The following GRIK4 variants were observed in gnomAD, a reference collection of about 807,000 sequenced individuals.
GRIK4 encodes the protein glutamate receptor ionotropic, kainate 4.
GRIK4 carries 40 observed loss-of-function variants against 104.9 expected under a neutral mutation model. That is an observed-to-expected ratio of 0.38 (90% CI 0.30 to 0.50). GRIK4 has a LOEUF of 0.50. Ranked by LOEUF, GRIK4 falls within the 20% of genes least tolerant of loss-of-function variation. The pLI is 0.93. For missense variants in GRIK4, 1,047 were observed against 1,308.1 expected (o/e 0.80, Z 3.08); for synonymous variants, 485 against 524.9 (o/e 0.92, Z 1.04).
intron 14 of GRIK4, among the ~76,000 whole-genome samples, chr11:120,943,160 CTGTT>C (rs1943770678): frequency 1.4e-5 from 1 of 72,044 alleles, no homozygotes; most frequent in Non-Finnish European, 3.6e-5. Flanking sequence ...ACCCCCCTGA[CTGTT>C]TGGTGAGGAT....
At chr11:120,728,729 C>T (rs1173112361) in intron 3 of GRIK4, among the ~76,000 whole-genome samples, 1 of 152,058 alleles carries the variant, frequency 6.6e-6, no homozygotes, top group Non-Finnish European at 1.5e-5. Context: ...GTATTCATCC[C>T]CTCAAGCATT....
chr11:120,889,589 A>ATTTTTTTTTT lies in GRIK4; in HGVS notation c.1165-8922_1165-8913dup, dbSNP rs369264259. On this transcript the variant is annotated intron_variant, in intron 11 of 20. Transcript: ENST00000527524. Reference sequence around the variant, plus strand: ...ATAGAATAAAATAGAAAGAGCTTACATTTTTTTTTTTTTTTTTTTTTTTTT... The same window carrying ATTTTTTTTTT: ...ATAGAATAAAATAGAAAGAGCTTACATTTTTTTTTTTTTTTTTTTTTTTTTTTTTTTTTTT... 1.7e-3 allele frequency among the ~76,000 whole-genome samples: 104 copies of ATTTTTTTTTT among 62,466 alleles called. 5 individuals carry two copies. The highest frequency in any genetic ancestry group is 4.6e-3 in the East Asian group (9 of 1,972). The allele number at this position is 62,466 out of a possible 152,430, so 41.0% of individuals were successfully genotyped here. A position where few individuals can be genotyped will look rare whatever the true frequency, so the allele number is the denominator to read the frequency against.
chr11:120,610,141 A>G (rs947793658), intron 1 of GRIK4, among the ~76,000 whole-genome samples: 2 of 152,040 alleles, frequency 1.3e-5, no homozygotes, highest in African/African-American at 4.8e-5. Flanking sequence ...GGAGTCTCTC[A>G]TTCCACAATA....
intron 8 of GRIK4, among the ~76,000 whole-genome samples, chr11:120,852,421 A>G (rs373421912): frequency 7.7e-4 from 117 of 152,372 alleles, no homozygotes; most frequent in African/African-American, 2.7e-3. Flanking sequence ...GGGATAGAGC[A>G]TGAACAAGAA....
At chr11:120,525,696 A>C (rs1591673821) in intron 1 of GRIK4, among the ~76,000 whole-genome samples, 1 of 152,304 alleles carries the variant, frequency 6.6e-6, no homozygotes, top group South Asian at 2.1e-4. Flanking sequence ...TCCTCTGAGC[A>C]ATCCAAGGAA....
intron 3 of GRIK4, among the ~76,000 whole-genome samples, chr11:120,688,183 C>T (rs578156062): frequency 6.6e-6 from 1 of 152,184 alleles, no homozygotes; most frequent in African/African-American, 2.4e-5. Context: ...CACTTTCCCC[C>T]CTCAGTAACT....
chr11:120,981,716 G>C (rs1275820544), intron 19 of GRIK4, among the ~76,000 whole-genome samples: 1 of 152,166 alleles, frequency 6.6e-6, no homozygotes, highest in Non-Finnish European at 1.5e-5. Flanking sequence ...TAGGAAGATT[G>C]AGTAAAACTT....
At chr11:120,843,418 G>A (rs1953769734) in intron 8 of GRIK4, among the ~76,000 whole-genome samples, 1 of 152,248 alleles carries the variant, frequency 6.6e-6, no homozygotes, top group Non-Finnish European at 1.5e-5. Context: ...TACATCAGCA[G>A]GAGGCCTCAT....
At chr11:120,783,708 G>T (rs985889286) in intron 3 of GRIK4, among the ~76,000 whole-genome samples, 1 of 152,078 alleles carries the variant, frequency 6.6e-6, no homozygotes, top group Non-Finnish European at 1.5e-5. Context: ...TATGCATTTT[G>T]AATATTCTGA....
intron 1 of GRIK4, among the ~76,000 whole-genome samples, chr11:120,579,340 C>G (rs1948534409): frequency 6.6e-6 from 1 of 152,064 alleles, no homozygotes; most frequent in Non-Finnish European, 1.5e-5. Context: ...CAGAAGGAGC[C>G]AGCCACACAG....
At chr11:120,535,618 G>A (rs914692472) in intron 1 of GRIK4, among the ~76,000 whole-genome samples, 5 of 152,092 alleles carry the variant, frequency 3.3e-5, no homozygotes, top group Admixed American at 6.5e-5. Context: ...AGGACAGCTC[G>A]GGATCCCGGT....
chr11:120,745,330 T>A (rs1261803686), intron 3 of GRIK4, among the ~76,000 whole-genome samples: 2 of 151,986 alleles, frequency 1.3e-5, no homozygotes, highest in African/African-American at 4.8e-5. Context: ...AATCTATAAA[T>A]TTTTTTTTCT....
At chr11:120,642,895 C>G (rs1949488446) in intron 1 of GRIK4, among the ~76,000 whole-genome samples, 1 of 152,196 alleles carries the variant, frequency 6.6e-6, no homozygotes, top group African/African-American at 2.4e-5. Flanking sequence ...TCTACGTGCT[C>G]CTGAGGCTGC....
intron 13 of GRIK4, chr11:120,936,373 T>G: frequency 2.3e-6 from 1 of 442,776 alleles, no homozygotes; most frequent in South Asian, 1.8e-5. Flanking sequence ...GGAGGCCTCT[T>G]GGGTGCATTA....
chr11:120,915,202 T>C (rs1206647020), intron 13 of GRIK4, among the ~76,000 whole-genome samples: 1 of 152,084 alleles, frequency 6.6e-6, no homozygotes, highest in Non-Finnish European at 1.5e-5. Flanking sequence ...CAGCTCATTA[T>C]TCACAGACAG....
intron 1 of GRIK4, among the ~76,000 whole-genome samples, chr11:120,526,395 G>A (rs978673015): frequency 1.3e-5 from 2 of 152,080 alleles, no homozygotes; most frequent in African/African-American, 4.8e-5. Context: ...TAGAGACAGT[G>A]TTTCTCTATG....
At position 120,971,999 on chromosome 11, in the gene GRIK4, G is replaced by A. The variant is rs77852635; in HGVS notation, c.2395+4676G>A. Among the ~76,000 whole-genome samples the A allele has an allele frequency of 5.7e-3, 868 of 152,340 alleles. 6 individuals carry two copies. Among genetic ancestry groups the A allele is most frequent in the African/African-American group, 0.02 (831 of 41,578 alleles). ...TGCTGGGGATCTAGGACATTGTGTAGAGCAGCCTACTTGTTCAGAATTTCC... is the reference window on the plus strand; with the variant it reads ...TGCTGGGGATCTAGGACATTGTGTAAAGCAGCCTACTTGTTCAGAATTTCC... On this transcript the variant is annotated intron_variant, in intron 19 of 20. Transcript: ENST00000527524.
chr11:120,776,522 G>A (rs527481082), intron 3 of GRIK4, among the ~76,000 whole-genome samples: 43 of 152,342 alleles, frequency 2.8e-4, no homozygotes, highest in African/African-American at 8.9e-4. Context: ...GCTCTCAGAG[G>A]GGAATTAGGC....
At chr11:120,951,196 G>A (rs970200922) in intron 14 of GRIK4, among the ~76,000 whole-genome samples, 7 of 152,134 alleles carry the variant, frequency 4.6e-5, no homozygotes, top group Non-Finnish European at 8.8e-5. Flanking sequence ...AAACTGCACC[G>A]CAGGCCCACC....
Sources: allele counts gnomAD v4.1 joint callset (sites outside exome capture counted in the v4.1 genomes callset), GRCh38; gene constraint gnomAD v4.1.1; transcripts MANE v1.5; gene names NCBI Gene and HGNC (gene_info 2026-07-23, HGNC 2026-07-21).